The following MTAP variants were observed in gnomAD, a reference collection of about 807,000 sequenced individuals.
MTAP encodes S-methyl-5'-thioadenosine phosphorylase.
Under a neutral mutation model 33.6 loss-of-function variants are expected in MTAP, and 33 were observed. The ratio of observed to expected loss-of-function variants is 0.98; its 90% confidence interval spans 0.74 to 1.31. The LOEUF (loss-of-function observed/expected upper bound fraction) is 1.31. Among genes scored for constraint, MTAP ranks in the 40% most tolerant of loss-of-function variants. MTAP has a pLI of 0.00. For missense variants in MTAP, 367 were observed against 360.0 expected (o/e 1.02, Z -0.16); for synonymous variants, 148 against 125.7 (o/e 1.18, Z -1.19).
At chr9:21,826,952 C>T (rs940546191) in intron 4 of MTAP, among the ~76,000 whole-genome samples, 1 of 152,078 alleles carries the variant, frequency 6.6e-6, no homozygotes, top group East Asian at 1.9e-4. Flanking sequence ...TGGAAGGGAT[C>T]TGTGTTGTGC....
In MTAP at chr9:21,931,085, C is replaced by A. The variant is rs757237758; in HGVS notation, c.225C>A (p.Leu75=). 4 of 764,160 alleles carry A rather than the reference C, an allele frequency of 5.2e-6. No homozygotes were observed. The East Asian group carries it at 7.3e-5, about 14-fold the overall frequency. The allele number at this position is 764,160 out of a possible 1,614,324, so 47.3% of individuals were successfully genotyped here. A position where few individuals can be genotyped will look rare whatever the true frequency, so the allele number is the denominator to read the frequency against. ...AAGAGTCACCCTTCTACAGAGGACTCCTAGACTTCCCATCAGTGGGACATG... is the reference window on the plus strand; with the variant it reads ...AAGAGTCACCCTTCTACAGAGGACTACTAGACTTCCCATCAGTGGGACATG... The change falls in exon 2 of 2, where the codon CTC becomes CTA. Residue 75 remains leucine, a synonymous_variant. Transcript: ENST00000577563.
At chr9:21,824,719 C>T (rs1482263039) in intron 4 of MTAP, among the ~76,000 whole-genome samples, 1 of 152,186 alleles carries the variant, frequency 6.6e-6, no homozygotes, top group Non-Finnish European at 1.5e-5. Context: ...CAGAGGCAGG[C>T]AGGCCTCCTT....
intron 1 of MTAP, among the ~76,000 whole-genome samples, chr9:21,890,931 G>A (rs945229432): frequency 5.9e-5 from 9 of 152,112 alleles, no homozygotes; most frequent in African/African-American, 1.9e-4. Flanking sequence ...TGTTCTGTTC[G>A]TCCAAGTGGG....
At chr9:21,820,659 A>T (rs920208111) in intron 4 of MTAP, among the ~76,000 whole-genome samples, 10 of 152,172 alleles carry the variant, frequency 6.6e-5, no homozygotes, top group Non-Finnish European at 1.2e-4. Context: ...GTTTTTCCCA[A>T]TTCTGTGAAG....
chr9:21,807,120 C>T (rs1278251502), intron 1 of MTAP, among the ~76,000 whole-genome samples: 3 of 152,152 alleles, frequency 2.0e-5, no homozygotes, highest in African/African-American at 4.8e-5. Flanking sequence ...GCAGAGACTG[C>T]GCCATTGCAC....
chr9:21,913,148 G>A (rs1350115346), intron 1 of MTAP, among the ~76,000 whole-genome samples: 1 of 152,138 alleles, frequency 6.6e-6, no homozygotes, highest in Non-Finnish European at 1.5e-5. Context: ...ACAAATAGAA[G>A]AACATTCCAT....
intron 1 of MTAP, among the ~76,000 whole-genome samples, chr9:21,873,510 G>C (rs988536935): frequency 1.3e-5 from 2 of 152,022 alleles, no homozygotes; most frequent in Non-Finnish European, 2.9e-5. Context: ...TGCCCCTTCT[G>C]CCATGTGAGA....
intron 1 of MTAP, among the ~76,000 whole-genome samples, chr9:21,874,694 CTT>C (rs10713371): frequency 0.019 from 2,598 of 139,692 alleles, 68 homozygotes; most frequent in African/African-American, 0.058. Context: ...AATCATTTTT[CTT>C]TTTTTTTTTT....
chr9:21,874,251 G>C (rs1056870192), intron 1 of MTAP, among the ~76,000 whole-genome samples: 1 of 152,104 alleles, frequency 6.6e-6, no homozygotes, highest in Non-Finnish European at 1.5e-5. Context: ...CCCACTGACT[G>C]TTCACCTCCG....
At chr9:21,815,855 C>T (rs557476316) in intron 2 of MTAP, among the ~76,000 whole-genome samples, 2 of 152,214 alleles carry the variant, frequency 1.3e-5, no homozygotes, top group East Asian at 1.9e-4. Flanking sequence ...AATTTGTGGC[C>T]AATAGGTCAC....
At chr9:21,880,490 A>G (rs933328390) in intron 1 of MTAP, among the ~76,000 whole-genome samples, 2 of 152,142 alleles carry the variant, frequency 1.3e-5, no homozygotes, top group African/African-American at 2.4e-5. Flanking sequence ...AATCTTATAC[A>G]GTATTTACAA....
chr9:21,894,202 C>A (rs1818249082), intron 1 of MTAP, among the ~76,000 whole-genome samples: 1 of 124,844 alleles, frequency 8.0e-6, no homozygotes. Flanking sequence ...ATTCAACATC[C>A]TTTCATGTTA....
chr9:21,816,136 A>G (rs1004908672), intron 2 of MTAP, among the ~76,000 whole-genome samples: 1 of 152,066 alleles, frequency 6.6e-6, no homozygotes. Flanking sequence ...AGATCTCTCT[A>G]TCTGGCTGTC....
chr9:21,814,854 G>C (rs1038900705), intron 1 of MTAP, among the ~76,000 whole-genome samples: 1 of 152,044 alleles, frequency 6.6e-6, no homozygotes, highest in Non-Finnish European at 1.5e-5. Context: ...ATGTATATGC[G>C]GGTAACTTTT....
intron 1 of MTAP, chr9:21,892,307 C>T (rs1172561084): frequency 6.6e-6 from 1 of 152,110 alleles, no homozygotes; most frequent in Non-Finnish European, 1.5e-5. Flanking sequence ...AAATGCCCCA[C>T]TTAAAAGGCA....
At chr9:21,852,251 A>T (rs1587247191) in intron 5 of MTAP, among the ~76,000 whole-genome samples, 1 of 152,110 alleles carries the variant, frequency 6.6e-6, no homozygotes, top group Non-Finnish European at 1.5e-5. Context: ...GCTCATGCCT[A>T]TAATCCCAGC....
intron 5 of MTAP, among the ~76,000 whole-genome samples, chr9:21,852,379 CG>C (rs1431632210): frequency 6.6e-6 from 1 of 151,820 alleles, no homozygotes; most frequent in African/African-American, 2.4e-5. Flanking sequence ...GCCGTGGTGG[CG>C]GGTGCCTGTA....
At chr9:21,884,330 A>T (rs1245064533) in intron 1 of MTAP, among the ~76,000 whole-genome samples, 1 of 152,226 alleles carries the variant, frequency 6.6e-6, no homozygotes, top group Admixed American at 6.5e-5. Flanking sequence ...CTCAGAATGG[A>T]TAAATGATTG....
intron 1 of MTAP, among the ~76,000 whole-genome samples, chr9:21,928,501 C>T (rs1473580427): frequency 6.6e-6 from 1 of 152,070 alleles, no homozygotes; most frequent in Non-Finnish European, 1.5e-5. Context: ...CGGGAAGACT[C>T]CTGCCCCACA....
Sources: allele counts gnomAD v4.1 joint callset (sites outside exome capture counted in the v4.1 genomes callset), GRCh38; gene constraint gnomAD v4.1.1; transcripts MANE v1.5; gene names NCBI Gene and HGNC (gene_info 2026-07-23, HGNC 2026-07-21).